The following TOPBP1 variants were observed in gnomAD, a reference collection of about 807,000 sequenced individuals.
TOPBP1 encodes the protein DNA topoisomerase 2-binding protein 1.
A neutral mutation model predicts 167.7 loss-of-function variants in TOPBP1; 28 were observed. The ratio of observed to expected loss-of-function variants is 0.17; its 90% confidence interval spans 0.12 to 0.23. The LOEUF (loss-of-function observed/expected upper bound fraction) is 0.23. Ranked by LOEUF, TOPBP1 falls within the 10% of genes least tolerant of loss-of-function variation. TOPBP1 has a pLI of 1.00. For missense variants in TOPBP1, 1,554 were observed against 1,809.6 expected (o/e 0.86, Z 2.56); for synonymous variants, 598 against 611.4 (o/e 0.98, Z 0.32).
intron 25 of TOPBP1, among the ~76,000 whole-genome samples, chr3:133,610,075 G>C (rs1418603267): frequency 6.6e-6 from 1 of 152,164 alleles, no homozygotes; most frequent in Non-Finnish European, 1.5e-5. Context: ...TAAAGTAGCA[G>C]ACAATAACTA....
chr3:133,637,283 C>A (rs977210321), intron 14 of TOPBP1, among the ~76,000 whole-genome samples: 3 of 151,940 alleles, frequency 2.0e-5, no homozygotes, highest in Non-Finnish European at 4.4e-5. Context: ...TTTGGAAAAT[C>A]AAAGAAAATT....
rs762336907 is a variant in TOPBP1 at position 133,649,363 on chromosome 3, A to T, written c.1504+20T>A. The T allele has an allele frequency of 6.2e-7, 1 of 1,606,382 alleles. No individual in the cohort carries two copies. Among genetic ancestry groups the T allele is most frequent in the African/African-American group, 1.3e-5 (1 of 74,648 alleles). On this transcript the variant is annotated intron_variant, in intron 10 of 27. Coordinates refer to ENST00000260810, the MANE Select transcript of TOPBP1 (RefSeq NM_007027.4). ...AAAATATTTCTTACTAACTACAAATACTAATCAAGCATTTCTTACCTACTG... is the reference window on the plus strand; with the variant it reads ...AAAATATTTCTTACTAACTACAAATTCTAATCAAGCATTTCTTACCTACTG...
intron 13 of TOPBP1, among the ~76,000 whole-genome samples, chr3:133,639,351 T>C (rs1935809186): frequency 6.6e-6 from 1 of 152,116 alleles, no homozygotes; most frequent in Non-Finnish European, 1.5e-5. Context: ...CTGAGGAAAC[T>C]ATCACAAGGA....
Position 133,661,033 on chromosome 3 carries a change from T to C in TOPBP1, c.84+11A>G, listed in dbSNP as rs753578628. The C allele has an allele frequency of 6.4e-7, 1 of 1,562,568 alleles. No homozygotes were observed. The highest frequency in any genetic ancestry group is 1.2e-5 in the South Asian group (1 of 82,638). ...ATGAATTCACGGTATTAAGATGTTT[T>C]CAACTCTTACCTCGAGAGCTTTAAA... On this transcript the variant is annotated intron_variant, in intron 2 of 27. Transcript: ENST00000260810.
intron 25 of TOPBP1, among the ~76,000 whole-genome samples, chr3:133,610,090 G>A (rs1934624354): frequency 6.6e-6 from 1 of 152,198 alleles, no homozygotes; most frequent in Admixed American, 6.5e-5. Context: ...TAACTAATAT[G>A]GCTTTCAGTG....
chr3:133,636,175 A>C (rs1298877473), intron 14 of TOPBP1, among the ~76,000 whole-genome samples: 1 of 152,178 alleles, frequency 6.6e-6, no homozygotes, highest in Non-Finnish European at 1.5e-5. Context: ...CTGAACGTGT[A>C]TAGTGGCTTC....
chr3:133,646,755 GAA>G (rs1277273512), intron 10 of TOPBP1, among the ~76,000 whole-genome samples: 3 of 152,064 alleles, frequency 2.0e-5, no homozygotes, highest in Non-Finnish European at 4.4e-5. Flanking sequence ...AATGGTTTGA[GAA>G]AAGTCAATTT....
rs1455544153 is a variant in TOPBP1 at position 133,651,196 on chromosome 3, TA to T, written c.1090-1254del. Among the ~76,000 whole-genome samples, 143 of 96,158 alleles carry T rather than the reference TA, an allele frequency of 1.5e-3. 1 individual carries two copies. The highest frequency in any genetic ancestry group is 6.3e-3 in the Middle Eastern group (1 of 160). The allele number at this position is 96,158 out of a possible 152,430, so 63.1% of individuals were successfully genotyped here. ...CTTTTTTTTTTTTTTTTTTTTTTTT[TA>T]AATTTTGAGATGGAGTTTCACTCTT... On this transcript the variant is annotated intron_variant, in intron 8 of 27. Transcript: ENST00000260810.
At chr3:133,644,438 G>GT in intron 10 of TOPBP1, 75 bp from the exon 11 acceptor site, 1 of 1,288,308 alleles carries the variant, frequency 7.8e-7, no homozygotes. Flanking sequence ...GGATATTAAC[G>GT]TAACATGGAA....
intron 25 of TOPBP1, among the ~76,000 whole-genome samples, chr3:133,610,491 T>C (rs1934636743): frequency 6.6e-6 from 1 of 151,540 alleles, no homozygotes; most frequent in Admixed American, 6.6e-5. Context: ...TCAAGATGCT[T>C]GCAATTACAA....
intron 2 of TOPBP1, among the ~76,000 whole-genome samples, chr3:133,660,801 C>G (rs1160180291): frequency 6.6e-6 from 1 of 152,154 alleles, no homozygotes; most frequent in East Asian, 1.9e-4. Context: ...ACTTAATTTC[C>G]AAGAACTGTA....
chr3:133,615,764 CACTTGTTTCATTTT>C (rs1406131545), intron 23 of TOPBP1, among the ~76,000 whole-genome samples: 14 of 151,996 alleles, frequency 9.2e-5, no homozygotes, highest in Non-Finnish European at 1.5e-5. Flanking sequence ...AAGTTCATTT[CACTTGTTTCATTTT>C]ACTTTTTATT....
chr3:133,660,039 T>TC (rs1329531730), intron 2 of TOPBP1, among the ~76,000 whole-genome samples: 3 of 151,972 alleles, frequency 2.0e-5, no homozygotes, highest in Admixed American at 6.6e-5. Context: ...TTAGTACTCT[T>TC]CCCCCATCCC....
intron 24 of TOPBP1, among the ~76,000 whole-genome samples, chr3:133,611,984 T>C (rs1301597731): frequency 1.3e-5 from 2 of 152,044 alleles, no homozygotes; most frequent in African/African-American, 4.8e-5. Context: ...GCCATCCTCC[T>C]GCCTTGGCCT....
intron 16 of TOPBP1, among the ~76,000 whole-genome samples, chr3:133,626,649 G>C (rs1559816444): frequency 6.6e-6 from 1 of 152,234 alleles, no homozygotes; most frequent in East Asian, 1.9e-4. Flanking sequence ...TCAGCCTTGG[G>C]ACTGTTGGAT....
At chr3:133,624,605 T>C (rs1473882663) in intron 16 of TOPBP1, among the ~76,000 whole-genome samples, 1 of 152,258 alleles carries the variant, frequency 6.6e-6, no homozygotes, top group African/African-American at 2.4e-5. Flanking sequence ...TTCTTCTTTA[T>C]GCTTTTCTGA....
intron 4 of TOPBP1, 62 bp from the exon 5 acceptor site, chr3:133,656,919 CA>C: frequency 7.3e-7 from 1 of 1,372,804 alleles, no homozygotes; most frequent in Non-Finnish European, 9.5e-7. Context: ...CACTTTTATA[CA>C]CTATCTCATA....
chr3:133,636,000 A>T (rs181819601), intron 14 of TOPBP1, among the ~76,000 whole-genome samples: 224 of 148,658 alleles, frequency 1.5e-3, no homozygotes, highest in African/African-American at 4.9e-3. Flanking sequence ...AAAGAACAAT[A>T]AAAAAAAAAC....
chr3:133,629,933 T>C (rs1935409136), intron 14 of TOPBP1, among the ~76,000 whole-genome samples: 1 of 151,808 alleles, frequency 6.6e-6, no homozygotes, highest in Non-Finnish European at 1.5e-5. Context: ...ACTACAGGCA[T>C]GCACCACCAT....
Sources: allele counts gnomAD v4.1 joint callset (sites outside exome capture counted in the v4.1 genomes callset), GRCh38; gene constraint gnomAD v4.1.1; transcripts MANE v1.5; gene names NCBI Gene and HGNC (gene_info 2026-07-23, HGNC 2026-07-21).